The following TANC2 variants were observed in gnomAD, a reference collection of about 807,000 sequenced individuals.
TANC2 encodes the protein tetratricopeptide repeat, ankyrin repeat and coiled-coil containing 2.
A neutral mutation model predicts 210.5 loss-of-function variants in TANC2; 26 were observed. The observed-to-expected ratio is 0.12, with a 90% CI of 0.09 to 0.17. The LOEUF is 0.17. Among genes scored for constraint, TANC2 ranks in the 10% least tolerant of loss-of-function variants. The pLI is 1.00. For synonymous variants in TANC2, 931 were observed against 967.1 expected (o/e 0.96, Z 0.69); for missense variants, 2,129 against 2,608.9 (o/e 0.82, Z 4.01).
rs930132662 is a variant in TANC2, at chr17:63,393,364, C to G, written c.3052-2379C>G. 4 of 152,324 alleles carry G rather than the reference C, an allele frequency of 2.6e-5. No individual in the cohort carries two copies. In the East Asian group the frequency reaches 7.7e-4, roughly 29 times the overall value. 9.4% of individuals were successfully genotyped at this position (152,324 alleles called of 1,614,324 possible). Reference sequence around the variant, plus strand: ...CAGTCACTTGGCTACCCTAGACCTGCTCACCAACACACTGACCATATATCA... The same window carrying G: ...CAGTCACTTGGCTACCCTAGACCTGGTCACCAACACACTGACCATATATCA... On this transcript the variant is annotated intron_variant, in intron 17 of 27. Transcript: ENST00000689528.
At chr17:63,377,533 A>G (rs1457012178) in intron 14 of TANC2, among the ~76,000 whole-genome samples, 2 of 152,164 alleles carry the variant, frequency 1.3e-5, no homozygotes, top group African/African-American at 4.8e-5. Context: ...CCTTATCTCT[A>G]TCTGAGACCA....
In TANC2 at chr17:63,421,310, A is replaced by C. The variant is rs1467826852; in HGVS notation, c.5580A>C (p.Gln1860His). 6.2e-7 allele frequency: 1 copy of C among 1,613,948 alleles called. No homozygotes were observed. The highest frequency in any genetic ancestry group is 8.5e-7 in the Non-Finnish European group (1 of 1,179,882). The change falls in exon 28 of 28, where the codon CAA becomes CAC. Residue 1860 changes from glutamine (Q) to histidine (H), a missense_variant. Around this residue, in one of 5 missense-constraint regions of TANC2, gnomAD observed 584 missense variants for 627.3 expected, o/e 0.93. Transcript: ENST00000689528. This position sits in a 1 kb window ranked among gnomAD's most constrained non-coding sequence, Gnocchi z 6.9. Reference sequence around the variant, plus strand: ...CTCCCAGGCCGTTGCTGCATTCCCAAAGTGTAGGCCTTCGCTTCTCTCCAT... The same window carrying C: ...CTCCCAGGCCGTTGCTGCATTCCCACAGTGTAGGCCTTCGCTTCTCTCCAT...
chr17:63,193,988 C>T lies in TANC2; in HGVS notation c.434-3C>T. 1 of 1,610,790 alleles carries T rather than the reference C, an allele frequency of 6.2e-7. No individual in the cohort carries two copies. The highest frequency in any genetic ancestry group is 8.5e-7 in the Non-Finnish European group (1 of 1,178,498). On this transcript the variant is annotated splice_polypyrimidine_tract_variant and splice_region_variant and intron_variant, in intron 5 of 27. Transcript: ENST00000689528. The stretch of plus-strand genomic sequence containing the variant: ...CATGTTCTTCAATGCCTTCTTGTTA[C>T]AGGTGATGCTGAACAGGAGCTTGGC...
intron 9 of TANC2, among the ~76,000 whole-genome samples, chr17:63,283,790 C>A (rs568049202): frequency 4.6e-5 from 7 of 151,912 alleles, no homozygotes; most frequent in African/African-American, 1.7e-4. Flanking sequence ...TTGTTCATTG[C>A]CAATATATAG....
intron 4 of TANC2, chr17:63,117,335 AT>A (rs2145094015): frequency 6.6e-6 from 1 of 152,316 alleles, no homozygotes; most frequent in South Asian, 2.1e-4. Context: ...GTGTAAAAAT[AT>A]TTCTTTTATC....
intron 11 of TANC2, among the ~76,000 whole-genome samples, chr17:63,321,981 G>A (rs571308529): frequency 2.2e-4 from 34 of 152,130 alleles, no homozygotes; most frequent in African/African-American, 8.0e-4. Context: ...TTTACAGATG[G>A]TCTGTAATAT....
chr17:63,338,613 T>A (rs1017166617), intron 11 of TANC2, among the ~76,000 whole-genome samples: 13 of 152,228 alleles, frequency 8.5e-5, no homozygotes, highest in Admixed American at 1.3e-4. Context: ...ACAGCCTTTC[T>A]CTTTAGGTTC....
intron 14 of TANC2, among the ~76,000 whole-genome samples, chr17:63,372,278 G>T (rs192475908): frequency 6.6e-6 from 1 of 152,240 alleles, no homozygotes; most frequent in African/African-American, 2.4e-5. Flanking sequence ...ATTCCAAGTT[G>T]CATTTGCTAG....
chr17:62,991,411 G>A (rs2032856414), intron 1 of TANC2, among the ~76,000 whole-genome samples: 1 of 152,046 alleles, frequency 6.6e-6, no homozygotes, highest in Non-Finnish European at 1.5e-5. Context: ...GGCCAAGACG[G>A]GCGGATCATG....
intron 12 of TANC2, among the ~76,000 whole-genome samples, chr17:63,350,768 C>T (rs2046578576): frequency 6.6e-6 from 1 of 151,834 alleles, no homozygotes; most frequent in Non-Finnish European, 1.5e-5. Context: ...CATTCACATT[C>T]ACATGCAGTC....
At chr17:63,064,898 A>C (rs2036141044) in intron 2 of TANC2, among the ~76,000 whole-genome samples, 1 of 151,598 alleles carries the variant, frequency 6.6e-6, no homozygotes, top group African/African-American at 2.4e-5. Flanking sequence ...GAGAATATTT[A>C]ATATCTGTAC....
chr17:63,128,450 G>T (rs1008458679), intron 4 of TANC2, among the ~76,000 whole-genome samples: 23 of 152,134 alleles, frequency 1.5e-4, no homozygotes, highest in Non-Finnish European at 3.1e-4. Flanking sequence ...TACTTAGGTT[G>T]TCTAAGATTT....
chr17:63,356,708 A>T (rs2046791029), intron 14 of TANC2, among the ~76,000 whole-genome samples: 1 of 152,204 alleles, frequency 6.6e-6, no homozygotes, highest in African/African-American at 2.4e-5. Flanking sequence ...CTGCATATAA[A>T]TCCTGCCTCT....
chr17:63,048,555 A>G (rs2144351378), intron 2 of TANC2, among the ~76,000 whole-genome samples: 1 of 152,314 alleles, frequency 6.6e-6, no homozygotes. Context: ...TTTGTTGAAT[A>G]GGGAGTCCTT....
In TANC2 at chr17:62,987,430, T is replaced by G. The variant is rs117846347; in HGVS notation, c.-24+20681T>G. Among the ~76,000 whole-genome samples, 270 of 152,198 alleles carry G rather than the reference T, an allele frequency of 1.8e-3. 8 individuals are homozygous for G. The East Asian group carries it at 0.047, about 27-fold the overall frequency. ...CAGAGCGTGAATGGGGGTTAGGGAGTGCACACCTTGTGCTCCTAATCTAGG... is the reference window on the plus strand; with the variant it reads ...CAGAGCGTGAATGGGGGTTAGGGAGGGCACACCTTGTGCTCCTAATCTAGG... On this transcript the variant is annotated intron_variant, in intron 1 of 27. Coordinates refer to ENST00000689528, the Ensembl canonical transcript of TANC2.
intron 5 of TANC2, among the ~76,000 whole-genome samples, chr17:63,187,706 A>G (rs1331814498): frequency 6.6e-6 from 1 of 152,104 alleles, no homozygotes; most frequent in Non-Finnish European, 1.5e-5. Context: ...TGAAGATTTC[A>G]CTAAGACACA....
intron 2 of TANC2, among the ~76,000 whole-genome samples, chr17:63,022,681 A>G (rs1318427504): frequency 6.6e-6 from 1 of 152,178 alleles, no homozygotes; most frequent in Non-Finnish European, 1.5e-5. Context: ...GAGACCTTGG[A>G]GGCTGTACCT....
At chr17:63,104,586 A>G (rs1045256558) in intron 4 of TANC2, among the ~76,000 whole-genome samples, 1 of 152,220 alleles carries the variant, frequency 6.6e-6, no homozygotes, top group African/African-American at 2.4e-5. Context: ...TGCGTACTAT[A>G]TGTGATATTG....
chr17:62,989,144 A>C (rs1281301496), intron 1 of TANC2, among the ~76,000 whole-genome samples: 1 of 152,120 alleles, frequency 6.6e-6, no homozygotes, highest in Non-Finnish European at 1.5e-5. Context: ...TTTAATTCTC[A>C]TTAACGGACT....
Sources: gnomAD v4.1 joint callset for allele counts (sites outside exome capture counted in the v4.1 genomes callset) on GRCh38, gnomAD v4.1.1 for gene constraint, gnomAD v4.1.1 regional missense constraint, Gnocchi (gnomAD v3.1) non-coding constraint, MANE v1.5 for transcripts, NCBI Gene and HGNC (gene_info 2026-07-23, HGNC 2026-07-21) for gene names.